NFIA: variants seen among roughly 807,000 people sequenced by gnomAD.
NFIA encodes nuclear factor I A.
Under a neutral mutation model 62.8 loss-of-function variants are expected in NFIA, and 8 were observed. That is an observed-to-expected ratio of 0.13 (90% CI 0.07 to 0.23). NFIA has a LOEUF of 0.23. NFIA is among the 10% of genes least tolerant of loss of function. The pLI, the probability that NFIA is intolerant of heterozygous loss-of-function variation, is 1.00. For missense variants in NFIA, 410 were observed against 642.1 expected (o/e 0.64, Z 3.91); for synonymous variants, 235 against 238.1 (o/e 0.99, Z 0.12).
intron 7 of NFIA, among the ~76,000 whole-genome samples, chr1:61,395,063 C>T (rs1272583511): frequency 6.6e-6 from 1 of 152,080 alleles, no homozygotes; most frequent in African/African-American, 2.4e-5. Context: ...ACCTAGATTG[C>T]ATCACTGCCC....
chr1:61,270,917 T>C (rs1038403686), intron 2 of NFIA, among the ~76,000 whole-genome samples: 2 of 152,238 alleles, frequency 1.3e-5, no homozygotes, highest in African/African-American at 4.8e-5. Context: ...CATTTTAGTT[T>C]AGTTTAGTCA....
chr1:61,404,885 CAAAT>C (rs1190902082), intron 8 of NFIA, among the ~76,000 whole-genome samples: 1 of 152,018 alleles, frequency 6.6e-6, no homozygotes, highest in South Asian at 2.1e-4. Flanking sequence ...TATTTTTCCT[CAAAT>C]AAACCAAATA....
Position 61,126,462 on chromosome 1 carries a change from A to T in NFIA, c.559+37782A>T, listed in dbSNP as rs384561. ...AACACACACACACACACACACACAC[A>T]CACACACACACACTCACAGAAATAT... On this transcript the variant is annotated intron_variant, in intron 2 of 10. Coordinates refer to ENST00000403491, the MANE Select transcript of NFIA (RefSeq NM_001134673.4). 4.4e-4 allele frequency among the ~76,000 whole-genome samples: 64 copies of T among 145,892 alleles called. No individual in the cohort carries two copies. The East Asian group carries it at 7.3e-3, about 17-fold the overall frequency.
At chr1:61,260,827 A>G (rs910269902) in intron 2 of NFIA, among the ~76,000 whole-genome samples, 1 of 152,072 alleles carries the variant, frequency 6.6e-6, no homozygotes, top group Admixed American at 6.5e-5. Flanking sequence ...TGATCTGCCC[A>G]CCTCGGCCTC....
chr1:61,411,565 A>G (rs1666102856), intron 9 of NFIA, among the ~76,000 whole-genome samples: 2 of 152,196 alleles, frequency 1.3e-5, no homozygotes, highest in Non-Finnish European at 1.5e-5. Context: ...CTGTGTGCCA[A>G]GCACTCTTCT....
At chr1:61,424,515 C>T (rs1447699662) in intron 9 of NFIA, among the ~76,000 whole-genome samples, 3 of 152,108 alleles carry the variant, frequency 2.0e-5, no homozygotes, top group Non-Finnish European at 4.4e-5. Flanking sequence ...CACGTTTCAG[C>T]GTCTGTCATC....
intron 2 of NFIA, among the ~76,000 whole-genome samples, chr1:61,247,317 T>C (rs1169522104): frequency 6.6e-6 from 1 of 152,222 alleles, no homozygotes; most frequent in Non-Finnish European, 1.5e-5. Context: ...CAGACTTTCA[T>C]GTTTCATTTC....
intron 8 of NFIA, among the ~76,000 whole-genome samples, chr1:61,406,270 T>C (rs1569788784): frequency 6.6e-6 from 1 of 152,058 alleles, no homozygotes; most frequent in Non-Finnish European, 1.5e-5. Context: ...AAAGTGATAA[T>C]TGGCAGGTGA....
chr1:61,453,288 A>G (rs780371609), intron 10 of NFIA, among the ~76,000 whole-genome samples: 6 of 152,040 alleles, frequency 3.9e-5, no homozygotes, highest in Non-Finnish European at 8.8e-5. Flanking sequence ...ACCAGACATG[A>G]TGTAACACCA....
intron 2 of NFIA, among the ~76,000 whole-genome samples, chr1:61,231,594 T>C (rs1367563306): frequency 6.6e-6 from 1 of 152,232 alleles, no homozygotes; most frequent in African/African-American, 2.4e-5. Context: ...TATTTAGCTA[T>C]TGTAAAATAG....
intron 3 of NFIA, among the ~76,000 whole-genome samples, chr1:61,293,142 CATG>C (rs982873584): frequency 5.9e-5 from 9 of 152,152 alleles, no homozygotes; most frequent in African/African-American, 2.2e-4. Context: ...GTCACTCTGC[CATG>C]TTACCATTGC....
chr1:61,286,886 A>G (rs1658535655), intron 3 of NFIA, among the ~76,000 whole-genome samples: 1 of 152,238 alleles, frequency 6.6e-6, no homozygotes, highest in South Asian at 2.1e-4. Context: ...TGCAGATATT[A>G]GGGACTTTTA....
chr1:61,291,899 A>G (rs952264164), intron 3 of NFIA, among the ~76,000 whole-genome samples: 4 of 152,218 alleles, frequency 2.6e-5, no homozygotes, highest in African/African-American at 4.8e-5. Flanking sequence ...ATTATGTATT[A>G]CATTATTGAG....
In NFIA at chr1:61,404,162, G is replaced by T. The variant is rs779466894; in HGVS notation, c.1134G>T (p.Gln378His). 2 of 1,614,154 alleles carry T rather than the reference G, an allele frequency of 1.2e-6. No individual in the cohort carries two copies. The highest frequency in any genetic ancestry group is 1.7e-6 in the Non-Finnish European group (2 of 1,180,038). Reference sequence around the variant, plus strand: ...TCCCGACATCACCCATTATCCAGCAGCCTGGGCCTTACTTCTCACACCCAG... The same window carrying T: ...TCCCGACATCACCCATTATCCAGCATCCTGGGCCTTACTTCTCACACCCAG... ...LHFPTSPIIQ[Q>H]PGPYFSHPAI... The change falls in exon 8 of 11, where the codon CAG becomes CAT. Residue 378 changes from glutamine to histidine, a missense_variant. By Grantham distance (24) the Gln-to-His change is conservative. Coordinates refer to ENST00000403491, the MANE Select transcript of NFIA (RefSeq NM_001134673.4).
At chr1:61,261,599 C>T (rs1022002794) in intron 2 of NFIA, among the ~76,000 whole-genome samples, 1 of 152,078 alleles carries the variant, frequency 6.6e-6, no homozygotes, top group Non-Finnish European at 1.5e-5. Context: ...CATCATAAGT[C>T]GAAGTGCATC....
chr1:61,339,751 C>T (rs1325667778), intron 4 of NFIA, among the ~76,000 whole-genome samples: 2 of 150,838 alleles, frequency 1.3e-5, no homozygotes, highest in Non-Finnish European at 2.9e-5. Flanking sequence ...ACTACGCTTT[C>T]TTCTGAATCC....
chr1:61,083,187 G>T (rs1213910593), intron 1 of NFIA, among the ~76,000 whole-genome samples: 1 of 152,112 alleles, frequency 6.6e-6, no homozygotes, highest in Non-Finnish European at 1.5e-5. Flanking sequence ...TCCATGACAC[G>T]CAGAAATCTG....
intron 2 of NFIA, among the ~76,000 whole-genome samples, chr1:61,217,576 A>G (rs935400322): frequency 6.6e-6 from 1 of 152,178 alleles, no homozygotes; most frequent in Non-Finnish European, 1.5e-5. Context: ...TGAAGTCAAG[A>G]GGGGAAGGAC....
At chr1:61,336,159 T>G (rs1395962972) in intron 4 of NFIA, among the ~76,000 whole-genome samples, 1 of 152,180 alleles carries the variant, frequency 6.6e-6, no homozygotes, top group Non-Finnish European at 1.5e-5. Context: ...TATAATTGCA[T>G]TATAGAACTA....
Sources: gnomAD v4.1 joint callset for allele counts (sites outside exome capture counted in the v4.1 genomes callset) on GRCh38, gnomAD v4.1.1 for gene constraint, MANE v1.5 for transcripts, NCBI Gene and HGNC (gene_info 2026-07-23, HGNC 2026-07-21) for gene names.